The following ITPR1 variants were observed in gnomAD, a reference collection of about 807,000 sequenced individuals.
ITPR1 encodes inositol 1,4,5-trisphosphate-gated calcium channel ITPR1.
ITPR1 carries 96 observed loss-of-function variants against 318.4 expected under a neutral mutation model. The observed-to-expected ratio is 0.30, with a 90% CI of 0.26 to 0.36. The LOEUF (loss-of-function observed/expected upper bound fraction) is 0.36, where lower values mean the gene tolerates loss of function less well. Among genes scored for constraint, ITPR1 ranks in the 10% least tolerant of loss-of-function variants. ITPR1 has a pLI of 1.00. For missense variants in ITPR1, 2,440 were observed against 3,460.2 expected, an observed-to-expected ratio of 0.71 and a Z score of 7.40; for synonymous variants, 1,312 against 1,289.9, an observed-to-expected ratio of 1.02 and a Z score of -0.37.
chr3:4,545,930 C>G (rs1469581518), intron 4 of ITPR1, among the ~76,000 whole-genome samples: 1 of 152,064 alleles, frequency 6.6e-6, no homozygotes, highest in African/African-American at 2.4e-5. Flanking sequence ...CTCCTGAGCT[C>G]AAGCGATCCT....
chr3:4,570,441 T>C, intron 4 of ITPR1, among the ~76,000 whole-genome samples: 1 of 152,222 alleles, frequency 6.6e-6, no homozygotes, highest in South Asian at 2.1e-4. Context: ...ATGTAACCAC[T>C]CATTGAAGAT....
intron 4 of ITPR1, among the ~76,000 whole-genome samples, chr3:4,548,929 A>G (rs2085288927): frequency 1.3e-5 from 2 of 152,098 alleles, no homozygotes; most frequent in Non-Finnish European, 2.9e-5. Context: ...CTCAGTAAAA[A>G]CTGACTTCTT....
chr3:4,540,539 CCCT>C (rs1180110117), intron 4 of ITPR1, among the ~76,000 whole-genome samples: 4 of 151,528 alleles, frequency 2.6e-5, no homozygotes, highest in African/African-American at 2.4e-5. Flanking sequence ...CTTTTTTTCC[CCCT>C]CCTTTAAGTT....
intron 4 of ITPR1, among the ~76,000 whole-genome samples, chr3:4,580,849 C>T (rs993005192): frequency 3.3e-5 from 5 of 151,610 alleles, no homozygotes; most frequent in African/African-American, 7.3e-5. Context: ...GGGTGAGTGG[C>T]GCCCTTGAGC....
chr3:4,611,961 C>T lies in ITPR1; in HGVS notation c.164-15802C>T, dbSNP rs1450154692. On this transcript the variant is annotated intron_variant, in intron 4 of 61. Coordinates refer to ENST00000649015, the MANE Select transcript of ITPR1 (RefSeq NM_001378452.1). ...GAAGGTTCCAATCCACAGATTCAAC[C>T]AACCTCAGGTCAAAAATACTCAGAA... 3.3e-5 allele frequency among the ~76,000 whole-genome samples: 5 copies of T among 151,956 alleles called. No individual in the cohort carries two copies. The East Asian group carries it at 9.7e-4, about 29-fold the overall frequency.
intron 42 of ITPR1, among the ~76,000 whole-genome samples, chr3:4,728,691 T>G (rs13327781): frequency 0.015 from 2,357 of 152,332 alleles, 29 homozygotes; most frequent in Non-Finnish European, 0.024. Context: ...TCTTGTTCAT[T>G]TTTTGTAACT....
At chr3:4,732,844 T>C (rs183245783) in intron 42 of ITPR1, among the ~76,000 whole-genome samples, 5 of 152,394 alleles carry the variant, frequency 3.3e-5, no homozygotes, top group African/African-American at 1.2e-4. Flanking sequence ...TTCTGTCTTA[T>C]CATTGTGTGA....
chr3:4,809,675 A>G (rs1030696387), intron 55 of ITPR1, among the ~76,000 whole-genome samples: 5 of 152,104 alleles, frequency 3.3e-5, no homozygotes, highest in African/African-American at 1.2e-4. Context: ...TCTTTTATAT[A>G]AATAATACTT....
intron 5 of ITPR1, among the ~76,000 whole-genome samples, chr3:4,634,370 C>G (rs2093113227): frequency 6.6e-6 from 1 of 152,158 alleles, no homozygotes; most frequent in African/African-American, 2.4e-5. Flanking sequence ...CACCACCATG[C>G]CTGGCTAATT....
intron 60 of ITPR1, among the ~76,000 whole-genome samples, chr3:4,835,992 G>A (rs1035184625): frequency 6.6e-6 from 1 of 152,132 alleles, no homozygotes; most frequent in Non-Finnish European, 1.5e-5. Flanking sequence ...GTTTCTATAA[G>A]CTCATAAACG....
At chr3:4,560,867 T>C (rs959453697) in intron 4 of ITPR1, among the ~76,000 whole-genome samples, 21 of 152,212 alleles carry the variant, frequency 1.4e-4, no homozygotes, top group African/African-American at 5.1e-4. Flanking sequence ...TTTGATTGGC[T>C]TTTTGTTCAT....
intron 60 of ITPR1, among the ~76,000 whole-genome samples, chr3:4,827,747 G>A (rs965657240): frequency 6.6e-6 from 1 of 152,204 alleles, no homozygotes; most frequent in Non-Finnish European, 1.5e-5. Context: ...GTGATCCTTA[G>A]GGTCTGAGTC....
Position 4,768,585 on chromosome 3 carries a change from G to A in ITPR1, c.5800G>A (p.Ala1934Thr), listed in dbSNP as rs373554736. 5.6e-5 allele frequency: 91 copies of A among 1,613,906 alleles called. No individual in the cohort carries two copies. Among genetic ancestry groups the A allele is most frequent in the Non-Finnish European group, 7.5e-5 (88 of 1,179,888 alleles). Residue 1934 changes from alanine to threonine, a missense_variant, in exon 46 of 62, where the codon GCC becomes ACC. Ala to Thr is a moderately conservative substitution (Grantham distance 58). Transcript: ENST00000649015. ...GGAGGCCTCCGCTGCCACCAGGAAAGCCTTCACCACTTTCAGGAGGGAGGC... is the reference window on the plus strand; with the variant it reads ...GGAGGCCTCCGCTGCCACCAGGAAAACCTTCACCACTTTCAGGAGGGAGGC... Reference protein sequence around the residue: ...LLEASAATRKAFTTFRREADP... With the variant: ...LLEASAATRKTFTTFRREADP...
intron 44 of ITPR1, among the ~76,000 whole-genome samples, chr3:4,757,603 G>A (rs993884592): frequency 6.6e-6 from 1 of 152,138 alleles, no homozygotes; most frequent in African/African-American, 2.4e-5. Context: ...GGGCTTGGGT[G>A]CCAGGGCACT....
In ITPR1 at chr3:4,826,310, C is replaced by G. The variant is rs1452723950; in HGVS notation, c.8028+8068C>G. On this transcript the variant is annotated intron_variant, in intron 60 of 61. Transcript: ENST00000649015. This position sits in a 1 kb window ranked among gnomAD's most constrained non-coding sequence, Gnocchi z 4.2. ...AGCAGCAGCTTTCCTTGTGGCCTAA[C>G]CTGGGAGGCCACGAGCATTGGTTAA... is the stretch of plus-strand genomic sequence containing the variant. Among the ~76,000 whole-genome samples, 1 of 152,246 alleles carries G rather than the reference C, an allele frequency of 6.6e-6. No individual in the cohort carries two copies. The highest frequency in any genetic ancestry group is 1.5e-5 in the Non-Finnish European group (1 of 68,050).
chr3:4,736,110 C>T (rs2125322318), intron 44 of ITPR1, among the ~76,000 whole-genome samples: 1 of 151,244 alleles, frequency 6.6e-6, no homozygotes, highest in Non-Finnish European at 1.5e-5. Context: ...CTCCTTTATG[C>T]ACTCTTCCTT....
rs769942077 is a variant in ITPR1, at chr3:4,800,603, A to G, written c.7107+3A>G. The G allele has an allele frequency of 1.2e-6, 2 of 1,613,576 alleles. No individual in the cohort carries two copies. The highest frequency in any genetic ancestry group is 1.1e-5 in the South Asian group (1 of 91,024). ...TGTTTCTTCTGGGCGCTTTCAATGT[A>G]AGTGTGAATACCTTCCTTGCCACTG... On this transcript the variant is annotated splice_donor_region_variant and intron_variant, in intron 54 of 61. Transcript: ENST00000649015.
chr3:4,697,745 C>A (rs948771169), intron 34 of ITPR1, among the ~76,000 whole-genome samples: 2 of 152,104 alleles, frequency 1.3e-5, no homozygotes, highest in Non-Finnish European at 2.9e-5. Flanking sequence ...AGCCACCACA[C>A]CTGGCCATTC....
At chr3:4,566,604 G>GCACA (rs57756103) in intron 4 of ITPR1, among the ~76,000 whole-genome samples, 9,649 of 140,754 alleles carry the variant, frequency 0.069, 435 homozygotes, top group African/African-American at 0.13. Context: ...GGGGACACAT[G>GCACA]CACACACACA....
Sources: gnomAD v4.1 joint callset for allele counts (sites outside exome capture counted in the v4.1 genomes callset) on GRCh38, gnomAD v4.1.1 for gene constraint, Gnocchi (gnomAD v3.1) non-coding constraint, MANE v1.5 for transcripts, NCBI Gene and HGNC (gene_info 2026-07-23, HGNC 2026-07-21) for gene names.